PPP3R1: variants seen among roughly 807,000 people sequenced by gnomAD.
PPP3R1 encodes the protein protein phosphatase 3 regulatory subunit B, alpha.
A neutral mutation model predicts 22.6 loss-of-function variants in PPP3R1; 5 were observed. The ratio of observed to expected loss-of-function variants is 0.22; its 90% CI spans 0.12 to 0.46. The LOEUF is 0.46. Ranked by LOEUF, PPP3R1 falls within the 20% of genes least tolerant of loss-of-function variation. The pLI, the probability that PPP3R1 is intolerant of heterozygous loss-of-function variation, is 0.99. For missense variants in PPP3R1, 61 were observed against 203.2 expected (o/e 0.30, Z 4.25); for synonymous variants, 56 against 65.2 (o/e 0.86, Z 0.68).
intron 2 of PPP3R1, among the ~76,000 whole-genome samples, chr2:68,195,997 C>T (rs1572955265): frequency 6.6e-6 from 1 of 151,598 alleles, no homozygotes; most frequent in African/African-American, 2.4e-5. Context: ...CTCTTTTGTA[C>T]AGCAAGAAAT....
chr2:68,239,334 T>C (rs760097918), intron 1 of PPP3R1, among the ~76,000 whole-genome samples: 6 of 152,208 alleles, frequency 3.9e-5, no homozygotes, highest in Non-Finnish European at 8.8e-5. Context: ...ATAAGTCAAT[T>C]TGTGTTACAG....
chr2:68,222,689 T>C (rs1181525120), intron 1 of PPP3R1, among the ~76,000 whole-genome samples: 7 of 152,126 alleles, frequency 4.6e-5, no homozygotes, highest in Non-Finnish European at 8.8e-5. Flanking sequence ...GTCTCTAACT[T>C]AAAGACAGCA....
At position 68,209,800 on chromosome 2, in the gene PPP3R1, C is replaced by T. The variant is rs557182322; in HGVS notation, c.43+7292G>A. Among the ~76,000 whole-genome samples, 3 of 152,090 alleles carry T rather than the reference C, an allele frequency of 2.0e-5. No individual in the cohort carries two copies. In the South Asian group the frequency reaches 6.2e-4, roughly 32 times the overall value. On this transcript the variant is annotated intron_variant, in intron 2 of 5. Coordinates refer to ENST00000234310, the MANE Select transcript of PPP3R1 (RefSeq NM_000945.4). ...ACTCCCTCTATCCAAGTTTGTAAGA[C>T]ACAACAACAACAAAAAAGCCCCAAC...
At position 68,186,606 on chromosome 2, in the gene PPP3R1, A is replaced by T; in HGVS notation, c.327T>A (p.Asn109Lys). The T allele has an allele frequency of 1.2e-6, 2 of 1,613,284 alleles. No homozygotes were observed. Among genetic ancestry groups the T allele is most frequent in the Non-Finnish European group, 1.7e-6 (2 of 1,179,438 alleles). ...TCTTCAATACCTGGAAGAGTTCCCC[A>T]TTGGAAATATAGCCATCTTTATCCA... ...YDMDKDGYIS[N>K]GELFQVLKMM... The change falls in exon 5 of 6, where the codon AAT becomes AAA. Residue 109 changes from asparagine to lysine, a missense_variant. Asn to Lys is a moderately conservative substitution (Grantham distance 94). Coordinates refer to ENST00000234310, the MANE Select transcript of PPP3R1 (RefSeq NM_000945.4).
At chr2:68,244,264 G>C (rs898237156) in intron 1 of PPP3R1, among the ~76,000 whole-genome samples, 1 of 152,096 alleles carries the variant, frequency 6.6e-6, no homozygotes, top group Non-Finnish European at 1.5e-5. Context: ...TTATTTCCTA[G>C]GTCACTGACC....
At position 68,202,792 on chromosome 2, in the gene PPP3R1, A is replaced by ATTTTTTTTTT. The variant is rs71395958; in HGVS notation, c.44-14112_44-14103dup. On this transcript the variant is annotated intron_variant, in intron 2 of 5. Coordinates refer to ENST00000234310, the MANE Select transcript of PPP3R1 (RefSeq NM_000945.4). ...TAATATATACTAGAGAGTTCAGGGA[A>ATTTTTTTTTT]TTTTTTTTTTTTTTTTTTTTTTTTT... is the stretch of plus-strand genomic sequence containing the variant. 6.6e-3 allele frequency among the ~76,000 whole-genome samples: 537 copies of ATTTTTTTTTT among 81,208 alleles called. 101 individuals carry two copies. Among genetic ancestry groups the ATTTTTTTTTT allele is most frequent in the African/African-American group, 0.032 (514 of 16,162 alleles). The allele number at this position is 81,208 out of a possible 152,430, so 53.3% of individuals were successfully genotyped here.
chr2:68,241,324 T>C (rs909967484), intron 1 of PPP3R1, among the ~76,000 whole-genome samples: 18 of 152,206 alleles, frequency 1.2e-4, no homozygotes, highest in Admixed American at 7.9e-4. Context: ...TTATTTTTTT[T>C]CCCCAAGTAT....
chr2:68,218,719 T>C (rs1669625793), intron 1 of PPP3R1, among the ~76,000 whole-genome samples: 1 of 102,602 alleles, frequency 9.7e-6, no homozygotes, highest in Non-Finnish European at 1.8e-5. Flanking sequence ...ATTTGCACTG[T>C]CACTGTGAGT....
Position 68,229,857 on chromosome 2 carries a change from G to GGT in PPP3R1, c.4-12728_4-12727dup, listed in dbSNP as rs371523620. On this transcript the variant is annotated intron_variant, in intron 1 of 5. Transcript: ENST00000234310. ...ATTGATTCTGCCAGTATGTTTAATT[G>GGT]GTGTGTGTGTGTGTGTGTATGTATG... Among the ~76,000 whole-genome samples the GGT allele has an allele frequency of 3.3e-3, 486 of 149,394 alleles. 4 individuals are homozygous for GGT. The highest frequency in any genetic ancestry group is 7.0e-3 in the African/African-American group (284 of 40,798).
At chr2:68,181,116 G>T (rs1490898285) in intron 5 of PPP3R1, 106 bp from the exon 6 acceptor site, 2 of 1,094,994 alleles carry the variant, frequency 1.8e-6, no homozygotes, top group Non-Finnish European at 2.7e-6. Flanking sequence ...GGGGCTGGGC[G>T]TGGTGGCTCA....
rs1334389026 is a variant in PPP3R1 at position 68,185,619 on chromosome 2, GGCT to G, written c.465+846_465+848del. 4.0e-5 allele frequency among the ~76,000 whole-genome samples: 6 copies of G among 151,652 alleles called. 2 individuals carry two copies. Among genetic ancestry groups the G allele is most frequent in the African/African-American group, 1.2e-4 (5 of 41,318 alleles). ...TTCTCCTTTCCTTCTTTTGAAAACTGGCTGCTATTTATGATGGCACAACCAGCC... is the reference window on the plus strand; with the variant it reads ...TTCTCCTTTCCTTCTTTTGAAAACTGGCTATTTATGATGGCACAACCAGCC... On this transcript the variant is annotated intron_variant, in intron 5 of 5. Transcript: ENST00000234310.
At chr2:68,211,338 C>A (rs193088012) in intron 2 of PPP3R1, among the ~76,000 whole-genome samples, 1 of 137,432 alleles carries the variant, frequency 7.3e-6, no homozygotes, top group African/African-American at 2.7e-5. Context: ...ACCTGGGAGG[C>A]GGAGCTTGCA....
Position 68,229,596 on chromosome 2 carries a change from T to A in PPP3R1, c.4-12465A>T, listed in dbSNP as rs764688947. On this transcript the variant is annotated intron_variant, in intron 1 of 5. Transcript: ENST00000234310. ...CTACTGCTAACACATTTAAAACTGC[T>A]ATGTCTTCTTAGTGGATTGATTAAC... Among the ~76,000 whole-genome samples the A allele has an allele frequency of 2.4e-4, 37 of 152,170 alleles. 1 individual carries two copies. The highest frequency in any genetic ancestry group is 5.0e-4 in the Non-Finnish European group (34 of 68,008).
At chr2:68,251,867 G>T (rs1670366415) in intron 1 of PPP3R1, among the ~76,000 whole-genome samples, 1 of 146,678 alleles carries the variant, frequency 6.8e-6, no homozygotes, top group Admixed American at 6.7e-5. Context: ...TGGGGCGACG[G>T]CGGGGCGGCG....
intron 5 of PPP3R1, among the ~76,000 whole-genome samples, chr2:68,185,413 A>G (rs1267588522): frequency 6.9e-6 from 1 of 145,092 alleles, no homozygotes; most frequent in East Asian, 2.0e-4. Context: ...TCATTTATAT[A>G]TTATATTTAT....
intron 2 of PPP3R1, among the ~76,000 whole-genome samples, chr2:68,190,255 TAAAAAAAAAAAAA>T (rs34117344): frequency 1.2e-4 from 3 of 25,152 alleles, no homozygotes; most frequent in South Asian, 3.7e-3. Flanking sequence ...AAGTTTCTCT[TAAAAAAAAAAAAA>T]AAAAAAAAAA....
intron 2 of PPP3R1, among the ~76,000 whole-genome samples, chr2:68,216,787 T>C (rs1057075801): frequency 6.6e-6 from 1 of 152,172 alleles, no homozygotes; most frequent in Non-Finnish European, 1.5e-5. Flanking sequence ...AAATCCACTT[T>C]GAAACTTCAC....
At chr2:68,246,952 T>A (rs6751760) in intron 1 of PPP3R1, among the ~76,000 whole-genome samples, 8 of 152,028 alleles carry the variant, frequency 5.3e-5, no homozygotes, top group African/African-American at 1.7e-4. Context: ...AAGATTACTA[T>A]TCCCTGCCCA....
At chr2:68,206,078 A>G (rs1003880628) in intron 2 of PPP3R1, among the ~76,000 whole-genome samples, 1 of 152,166 alleles carries the variant, frequency 6.6e-6, no homozygotes, top group African/African-American at 2.4e-5. Context: ...TCGGCCTCCC[A>G]AAGTGCTGGG....
Sources: gnomAD v4.1 joint callset for allele counts (sites outside exome capture counted in the v4.1 genomes callset) on GRCh38, gnomAD v4.1.1 for gene constraint, MANE v1.5 for transcripts, NCBI Gene and HGNC (gene_info 2026-07-23, HGNC 2026-07-21) for gene names.